The following CNTNAP2 variants were observed in gnomAD, a reference collection of about 807,000 sequenced individuals.
The protein encoded by CNTNAP2 is contactin associated protein 2, also known as contactin-associated protein-like 2.
A neutral mutation model predicts 155.2 loss-of-function variants in CNTNAP2; 98 were observed. The ratio of observed to expected loss-of-function variants is 0.63; its 90% confidence interval spans 0.54 to 0.75. The LOEUF (loss-of-function observed/expected upper bound fraction) is 0.75. Among genes scored for constraint, CNTNAP2 ranks in the 30% least tolerant of loss-of-function variants. CNTNAP2 has a pLI of 0.00. For synonymous variants in CNTNAP2, 651 were observed against 631.2 expected (o/e 1.03, Z -0.47); for missense variants, 1,727 against 1,688.1 (o/e 1.02, Z -0.40).
Position 147,850,213 on chromosome 7 carries a change from T to C in CNTNAP2, c.2099-53352T>C, listed in dbSNP as rs1798906116. 2.6e-5 allele frequency among the ~76,000 whole-genome samples: 4 copies of C among 152,174 alleles called. No homozygotes were observed. The South Asian group carries it at 8.3e-4, about 32-fold the overall frequency. On this transcript the variant is annotated intron_variant, in intron 13 of 23. Transcript: ENST00000361727. ...AGCTAGGAATCCAACTTATAAGGGA[T>C]GTGAAGGACCTCTTCAAGGAGAACT...
chr7:146,377,045 C>T (rs558963820), intron 1 of CNTNAP2, among the ~76,000 whole-genome samples: 118 of 152,232 alleles, frequency 7.8e-4, no homozygotes, highest in African/African-American at 2.8e-3. Context: ...ATAAAATATA[C>T]AGCCTCCGGT....
chr7:146,213,703 C>G (rs578105675), intron 1 of CNTNAP2, among the ~76,000 whole-genome samples: 2 of 152,266 alleles, frequency 1.3e-5, no homozygotes, highest in South Asian at 4.1e-4. Flanking sequence ...AAGCCATGTT[C>G]TCTAATTCAG....
chr7:146,596,334 A>G (rs573348194), intron 1 of CNTNAP2, among the ~76,000 whole-genome samples: 1 of 152,030 alleles, frequency 6.6e-6, no homozygotes, highest in East Asian at 1.9e-4. Context: ...TGGTACAAGG[A>G]CACCCAGAAG....
chr7:146,913,987 G>A (rs779895596), intron 3 of CNTNAP2, among the ~76,000 whole-genome samples: 2 of 151,932 alleles, frequency 1.3e-5, no homozygotes, highest in South Asian at 2.1e-4. Flanking sequence ...TCCCACTTAT[G>A]AGTGAGAACA....
At chr7:147,158,746 A>T (rs535600032) in intron 8 of CNTNAP2, among the ~76,000 whole-genome samples, 13 of 152,016 alleles carry the variant, frequency 8.6e-5, no homozygotes, top group African/African-American at 3.1e-4. Context: ...TTCCCTTCCT[A>T]TATGTGCCAG....
At chr7:147,918,417 T>C (rs887784520) in intron 14 of CNTNAP2, among the ~76,000 whole-genome samples, 5 of 152,246 alleles carry the variant, frequency 3.3e-5, no homozygotes, top group African/African-American at 9.6e-5. Flanking sequence ...TAGCAAAAAT[T>C]GGAAAGTTAC....
chr7:147,733,403 T>G (rs1182237261), intron 13 of CNTNAP2, among the ~76,000 whole-genome samples: 9 of 152,244 alleles, frequency 5.9e-5, no homozygotes, highest in Non-Finnish European at 7.3e-5. Context: ...ACCAGTACCA[T>G]GCTGTTTTGG....
chr7:147,331,663 G>A (rs115469466), intron 9 of CNTNAP2, among the ~76,000 whole-genome samples: 7 of 152,210 alleles, frequency 4.6e-5, no homozygotes, highest in East Asian at 1.9e-4. Flanking sequence ...CACAGGGCAC[G>A]GAGTCTATAG....
chr7:147,147,661 C>A (rs1177236655), intron 8 of CNTNAP2, among the ~76,000 whole-genome samples: 6 of 152,088 alleles, frequency 3.9e-5, no homozygotes, highest in Admixed American at 2.6e-4. Flanking sequence ...TCCTCCTCAT[C>A]ATGTGTTCCT....
intron 1 of CNTNAP2, among the ~76,000 whole-genome samples, chr7:146,399,083 T>C (rs887042795): frequency 6.6e-6 from 1 of 151,878 alleles, no homozygotes; most frequent in Non-Finnish European, 1.5e-5. Context: ...CAAATAAACA[T>C]ATATATTTGT....
At chr7:147,805,520 C>T (rs969833761) in intron 13 of CNTNAP2, among the ~76,000 whole-genome samples, 1 of 152,156 alleles carries the variant, frequency 6.6e-6, no homozygotes, top group Non-Finnish European at 1.5e-5. Context: ...AGAGGAAAGG[C>T]ATTCAGTTTT....
At chr7:146,427,213 A>G (rs1279911939) in intron 1 of CNTNAP2, among the ~76,000 whole-genome samples, 3 of 152,184 alleles carry the variant, frequency 2.0e-5, no homozygotes, top group Non-Finnish European at 4.4e-5. Context: ...TATTTACTTA[A>G]TGACTTGGAA....
At chr7:148,337,114 G>C (rs1798129856) in intron 21 of CNTNAP2, among the ~76,000 whole-genome samples, 1 of 152,198 alleles carries the variant, frequency 6.6e-6, no homozygotes. Flanking sequence ...AGAGCAAGGT[G>C]CTAGTGATAT....
rs114076930 is a variant in CNTNAP2, at chr7:147,187,096, T to C, written c.1348+54587T>C. Among the ~76,000 whole-genome samples, 541 of 152,182 alleles carry C rather than the reference T, an allele frequency of 3.6e-3. 12 individuals are homozygous for C. Among genetic ancestry groups the C allele is most frequent in the African/African-American group, 0.013 (522 of 41,520 alleles). On this transcript the variant is annotated intron_variant, in intron 8 of 23. Coordinates refer to ENST00000361727, the MANE Select transcript of CNTNAP2 (RefSeq NM_014141.6). ...AGGATTGCTTTTAGAATGTCAGTGA[T>C]GGTGAAGCTGTGGAGAATGGGCTGG...
intron 15 of CNTNAP2, among the ~76,000 whole-genome samples, chr7:148,038,232 A>G (rs1990058): frequency 0.36 from 54,346 of 152,016 alleles, 10,441 homozygotes; most frequent in East Asian, 0.75. Flanking sequence ...CAACCTGTCC[A>G]TCAACCCCAT....
intron 8 of CNTNAP2, among the ~76,000 whole-genome samples, chr7:147,188,536 G>A (rs1038953875): frequency 6.6e-6 from 1 of 152,176 alleles, no homozygotes; most frequent in African/African-American, 2.4e-5. Flanking sequence ...GCACCAGATT[G>A]GGCTTCTGTA....
At chr7:146,410,009 G>A (rs1795843895) in intron 1 of CNTNAP2, among the ~76,000 whole-genome samples, 1 of 152,172 alleles carries the variant, frequency 6.6e-6, no homozygotes, top group African/African-American at 2.4e-5. Flanking sequence ...AAGTGAGAAA[G>A]TTGGGGCTGG....
At chr7:147,554,985 G>A (rs1347175191) in intron 11 of CNTNAP2, among the ~76,000 whole-genome samples, 1 of 152,146 alleles carries the variant, frequency 6.6e-6, no homozygotes, top group African/African-American at 2.4e-5. Flanking sequence ...TTTCACTGAG[G>A]AGGGTCTCAA....
chr7:147,206,781 A>T (rs1803031912), intron 8 of CNTNAP2, among the ~76,000 whole-genome samples: 1 of 152,186 alleles, frequency 6.6e-6, no homozygotes, highest in African/African-American at 2.4e-5. Context: ...TCATAAAAAC[A>T]AAACAGGACT....
Sources: allele counts gnomAD v4.1 joint callset (sites outside exome capture counted in the v4.1 genomes callset), GRCh38; gene constraint gnomAD v4.1.1; transcripts MANE v1.5; gene names NCBI Gene and HGNC (gene_info 2026-07-23, HGNC 2026-07-21).